Variants in ELP4 observed in about 807,000 individuals in gnomAD.
ELP4 encodes the protein elongator acetyltransferase complex subunit 4.
In ELP4, 51 loss-of-function variants were observed where a neutral mutation model predicts 48.9. That is an observed-to-expected ratio of 1.04 (90% CI 0.83 to 1.32). ELP4 has a LOEUF of 1.32. Ranked by LOEUF, ELP4 falls within the 40% of genes most tolerant of loss-of-function variation. ELP4 has a pLI of 0.00. For missense variants in ELP4, 519 were observed against 514.6 expected, an observed-to-expected ratio of 1.01 and a Z score of -0.08; for synonymous variants, 210 against 189.2, an observed-to-expected ratio of 1.11 and a Z score of -0.90.
intron 2 of ELP4, among the ~76,000 whole-genome samples, chr11:31,522,118 A>C (rs919122091): frequency 2.0e-5 from 3 of 152,234 alleles, no homozygotes; most frequent in Non-Finnish European, 2.9e-5. Context: ...TTAAGACAGA[A>C]TTATTCCTAA....
At chr11:31,517,721 A>T (rs1046870713) in intron 1 of ELP4, among the ~76,000 whole-genome samples, 1 of 151,824 alleles carries the variant, frequency 6.6e-6, no homozygotes. Flanking sequence ...GGTTCAAGCA[A>T]TTCTCCTGCC....
chr11:31,782,979 C>T (rs562662457), intron 9 of ELP4, among the ~76,000 whole-genome samples: 26 of 152,236 alleles, frequency 1.7e-4, no homozygotes, highest in African/African-American at 5.8e-4. Flanking sequence ...TACATTTGAC[C>T]TTAAAAATTG....
At chr11:31,592,741 G>A (rs543291952) in intron 3 of ELP4, among the ~76,000 whole-genome samples, 11 of 151,804 alleles carry the variant, frequency 7.2e-5, no homozygotes, top group Middle Eastern at 3.4e-3. Flanking sequence ...ATGGTAAAAC[G>A]TCTATTATGG....
intron 1 of ELP4, chr11:31,512,587 TTATC>T (rs1956027807): frequency 6.6e-6 from 1 of 152,250 alleles, no homozygotes; most frequent in African/African-American, 2.4e-5. Context: ...AATTCCCAGA[TTATC>T]TAACCCATGT....
At chr11:31,679,876 C>T (rs969939176) in intron 9 of ELP4, among the ~76,000 whole-genome samples, 7 of 152,198 alleles carry the variant, frequency 4.6e-5, no homozygotes, top group East Asian at 1.9e-4. Flanking sequence ...TTGGAAAGAA[C>T]TGAAATCTTG....
At chr11:31,635,911 A>C (rs1944965023) in intron 7 of ELP4, among the ~76,000 whole-genome samples, 1 of 151,980 alleles carries the variant, frequency 6.6e-6, no homozygotes, top group Non-Finnish European at 1.5e-5. Flanking sequence ...CCTGAGACAG[A>C]CCAGGAGGCA....
At chr11:31,601,087 A>G (rs1441631739) in intron 4 of ELP4, among the ~76,000 whole-genome samples, 1 of 152,156 alleles carries the variant, frequency 6.6e-6, no homozygotes, top group Non-Finnish European at 1.5e-5. Context: ...AGTTATTGAT[A>G]ATAGTTTGAT....
At chr11:31,770,741 C>T (rs905390362) in intron 9 of ELP4, among the ~76,000 whole-genome samples, 9 of 150,152 alleles carry the variant, frequency 6.0e-5, no homozygotes, top group African/African-American at 2.0e-4. Flanking sequence ...CATAGTAAGA[C>T]GCCCATCTCT....
rs1279444718 is a variant in ELP4, at chr11:31,520,071, T to A, written c.239T>A (p.Val80Asp). ...LDQLLGGGLA[V>D]GTVLLIEEDK... The stretch of plus-strand genomic sequence containing the variant: ...TCATTTCCAGGTGGAGGTTTAGCCG[T>A]TGGAACAGTTCTTCTAATTGGTTAG... The change falls in exon 2 of 10, where the codon GTT (valine) becomes GAT (aspartate). Residue 80 changes from valine to aspartate, a missense_variant. Transcript: ENST00000640961. 8.1e-6 allele frequency: 13 copies of A among 1,612,768 alleles called. No homozygotes were observed. The highest frequency in any genetic ancestry group is 1.3e-5 in the African/African-American group (1 of 74,880).
chr11:31,626,209 T>TC (rs1020301324), intron 5 of ELP4, among the ~76,000 whole-genome samples: 4 of 151,880 alleles, frequency 2.6e-5, no homozygotes, highest in African/African-American at 9.7e-5. Context: ...AAATTAGATT[T>TC]CATTCTTTCT....
At chr11:31,542,922 T>C (rs1956616339) in intron 3 of ELP4, among the ~76,000 whole-genome samples, 1 of 152,172 alleles carries the variant, frequency 6.6e-6, no homozygotes, top group South Asian at 2.1e-4. Flanking sequence ...GAAGGAAGAT[T>C]AAACATGTTA....
At chr11:31,636,852 A>G (rs955111822) in intron 7 of ELP4, among the ~76,000 whole-genome samples, 6 of 151,998 alleles carry the variant, frequency 3.9e-5, no homozygotes, top group African/African-American at 1.4e-4. Flanking sequence ...ATCTGTTAAG[A>G]AAACACGAAA....
At chr11:31,670,628 G>A (rs1349858340) in intron 9 of ELP4, among the ~76,000 whole-genome samples, 4 of 152,028 alleles carry the variant, frequency 2.6e-5, no homozygotes, top group Non-Finnish European at 5.9e-5. Context: ...GTCACATTGT[G>A]ATTCTGTCTC....
intron 9 of ELP4, among the ~76,000 whole-genome samples, chr11:31,686,346 G>A (rs200885465): frequency 1.3e-5 from 1 of 74,604 alleles, no homozygotes; most frequent in Non-Finnish European, 2.9e-5. Context: ...TTTTTTTTTT[G>A]GTATGGAATA....
intron 9 of ELP4, among the ~76,000 whole-genome samples, chr11:31,690,495 A>G (rs779856445): frequency 5.3e-5 from 8 of 152,108 alleles, no homozygotes; most frequent in Admixed American, 2.0e-4. Context: ...AGTTTCTTCT[A>G]TAGCTTTGTG....
At chr11:31,555,861 G>C (rs990933173) in intron 3 of ELP4, among the ~76,000 whole-genome samples, 1 of 151,854 alleles carries the variant, frequency 6.6e-6, no homozygotes, top group Admixed American at 6.6e-5. Context: ...TCATCAAATA[G>C]TCCAACAATG....
Position 31,667,987 on chromosome 11 carries a change from T to C in ELP4, c.1143+17766T>C, listed in dbSNP as rs548178005. ...ATCTGCATCATTTCTAAAATAAAAT[T>C]GCTCCCATTTTTCCCACAAGCATTT... On this transcript the variant is annotated intron_variant, in intron 9 of 9. Transcript: ENST00000640961. Among the ~76,000 whole-genome samples the C allele has an allele frequency of 5.3e-5, 8 of 152,298 alleles. No individual in the cohort carries two copies. The South Asian group carries it at 1.7e-3, about 32-fold the overall frequency.
At chr11:31,601,581 G>T (rs919595770) in intron 4 of ELP4, among the ~76,000 whole-genome samples, 5 of 151,972 alleles carry the variant, frequency 3.3e-5, no homozygotes, top group Non-Finnish European at 5.9e-5. Context: ...CATTAATATT[G>T]TAATTAGAAA....
intron 2 of ELP4, among the ~76,000 whole-genome samples, chr11:31,530,166 A>C (rs1047520067): frequency 3.3e-5 from 5 of 152,186 alleles, no homozygotes; most frequent in Non-Finnish European, 7.4e-5. Flanking sequence ...CTTAGTGGAA[A>C]ATGTTGTAAT....
Sources: allele counts gnomAD v4.1 joint callset (sites outside exome capture counted in the v4.1 genomes callset), GRCh38; gene constraint gnomAD v4.1.1; transcripts MANE v1.5; gene names NCBI Gene and HGNC (gene_info 2026-07-23, HGNC 2026-07-21).